KLHL13: variants seen among roughly 807,000 people sequenced by gnomAD.
KLHL13 encodes the protein kelch-like protein 13.
Under a neutral mutation model 37.1 loss-of-function variants are expected in KLHL13, and 10 were observed. That is an observed-to-expected ratio of 0.27 (90% CI 0.17 to 0.46). The LOEUF (loss-of-function observed/expected upper bound fraction) is 0.46, where lower values mean the gene tolerates loss of function less well. Ranked by LOEUF, KLHL13 falls within the 20% of genes least tolerant of loss-of-function variation. The pLI is 1.00. For synonymous variants in KLHL13, 163 were observed against 181.2 expected, an observed-to-expected ratio of 0.90 and a Z score of 0.81; for missense variants, 360 against 509.3, an observed-to-expected ratio of 0.71 and a Z score of 2.82.
intron 1 of KLHL13, among the ~76,000 whole-genome samples, chrX:118,070,993 G>A (rs1163991581): frequency 2.8e-5 from 3 of 107,858 alleles, no homozygotes; most frequent in Non-Finnish European, 5.7e-5. Context: ...ACCTATGAGT[G>A]AGAATATGTG....
intron 1 of KLHL13, among the ~76,000 whole-genome samples, chrX:117,990,291 TG>T (rs1289904571): frequency 9.0e-6 from 1 of 110,965 alleles, no homozygotes; most frequent in Non-Finnish European, 1.9e-5. Context: ...GGGGTGTGAA[TG>T]GATCAATAGG....
intron 1 of KLHL13, among the ~76,000 whole-genome samples, chrX:118,091,020 T>C (rs1257214734): frequency 2.8e-5 from 3 of 105,415 alleles, no homozygotes; most frequent in Admixed American, 1.0e-4. Flanking sequence ...CAGCAAACTA[T>C]CGCAAGGACA....
intron 1 of KLHL13, among the ~76,000 whole-genome samples, chrX:118,007,092 A>G (rs1204200016): frequency 9.0e-6 from 1 of 110,989 alleles, no homozygotes; most frequent in Non-Finnish European, 1.9e-5. Flanking sequence ...TGATTTGAGT[A>G]GCCTCCCAAG....
intron 1 of KLHL13, among the ~76,000 whole-genome samples, chrX:118,035,418 G>C (rs1311768537): frequency 1.8e-5 from 2 of 109,263 alleles, no homozygotes; most frequent in East Asian, 5.6e-4. Flanking sequence ...TTCATCCCTG[G>C]GATGCAAGGC....
intron 1 of KLHL13, among the ~76,000 whole-genome samples, chrX:118,075,922 GA>G (rs1374754372): frequency 9.0e-6 from 1 of 111,201 alleles, no homozygotes; most frequent in African/African-American, 3.3e-5. Flanking sequence ...ATATTTGTGG[GA>G]AAAAAACTGT....
intron 1 of KLHL13, among the ~76,000 whole-genome samples, chrX:118,058,317 TAC>T (rs921601406): frequency 8.1e-5 from 9 of 111,060 alleles, no homozygotes; most frequent in African/African-American, 2.9e-4. Context: ...TTATTTCTCT[TAC>T]ACACACTAAT....
At chrX:118,083,692 G>C (rs1359493167) in intron 1 of KLHL13, among the ~76,000 whole-genome samples, 2 of 110,969 alleles carry the variant, frequency 1.8e-5, no homozygotes, top group Non-Finnish European at 3.8e-5. Context: ...TAACAATAAT[G>C]TATTTTAAAA....
chrX:117,995,977 T>C (rs1269071265), intron 1 of KLHL13, among the ~76,000 whole-genome samples: 1 of 111,675 alleles, frequency 9.0e-6, no homozygotes, highest in Non-Finnish European at 1.9e-5. Flanking sequence ...TGGGTGTACA[T>C]TTGTTTGAGT....
chrX:118,035,004 A>C (rs1484066167), intron 1 of KLHL13, among the ~76,000 whole-genome samples: 1 of 94,767 alleles, frequency 1.1e-5, no homozygotes, highest in Non-Finnish European at 2.0e-5. Flanking sequence ...GAAATGGATA[A>C]ATTCCTTGAC....
exon 5 of KLHL13, chrX:117,910,013 G>A (rs1021687832): frequency 1.7e-6 from 2 of 1,207,713 alleles, no homozygotes; most frequent in East Asian, 3.0e-5. Context: ...TCTTCAAGAC[G>A]AAACTGTTAA....
chrX:117,919,127 G>A (rs757635546), intron 4 of KLHL13, among the ~76,000 whole-genome samples: 312 of 110,803 alleles, frequency 2.8e-3, no homozygotes, highest in African/African-American at 4.1e-3. Context: ...AGGTTCAAGC[G>A]ATTCTCCTGC....
intron 5 of KLHL13, among the ~76,000 whole-genome samples, chrX:117,907,275 T>A (rs1930607451): frequency 1.8e-5 from 2 of 111,159 alleles, no homozygotes; most frequent in Non-Finnish European, 3.8e-5. Context: ...GCCTCTAGCA[T>A]CTTGGTTTTA....
In KLHL13 at chrX:118,042,712, C is replaced by A. The variant is rs186629275; in HGVS notation, c.-56+73796G>T. Among the ~76,000 whole-genome samples the A allele has an allele frequency of 1.5e-3, 164 of 110,584 alleles. 2 individuals carry two copies. Among genetic ancestry groups the A allele is most frequent in the African/African-American group, 5.2e-3 (159 of 30,653 alleles). On this transcript the variant is annotated intron_variant, in intron 1 of 6. Transcript: ENST00000371882. ...TTCTTGAAACAAATGATAATGTAAA[C>A]AAAACATACAAAACCTATAAGATAC... is the stretch of plus-strand genomic sequence containing the variant.
chrX:118,095,280 A>C (rs1195069019), intron 1 of KLHL13, among the ~76,000 whole-genome samples: 1 of 110,863 alleles, frequency 9.0e-6, no homozygotes, highest in South Asian at 3.9e-4. Flanking sequence ...AACAAAGATC[A>C]AAAGAGACAA....
At chrX:117,905,278 T>C (rs1201983555) in intron 5 of KLHL13, among the ~76,000 whole-genome samples, 1 of 112,143 alleles carries the variant, frequency 8.9e-6, no homozygotes, top group African/African-American at 3.2e-5. Flanking sequence ...GTGAAAGATA[T>C]TGGAGCTGTC....
chrX:117,964,192 TAA>T (rs760681099), intron 1 of KLHL13, among the ~76,000 whole-genome samples: 1,392 of 101,437 alleles, frequency 0.014, 34 homozygotes, highest in African/African-American at 0.047. Context: ...TAGAGTATAA[TAA>T]AAAAAAAAAA....
intron 2 of KLHL13, among the ~76,000 whole-genome samples, chrX:117,934,882 A>G (rs1289156362): frequency 9.0e-6 from 1 of 111,430 alleles, no homozygotes; most frequent in Non-Finnish European, 1.9e-5. Flanking sequence ...CATAAAAAAA[A>G]AAGATATTCA....
chrX:118,022,342 T>G lies in KLHL13; in HGVS notation c.-55-76767A>C, dbSNP rs1301234071. Among the ~76,000 whole-genome samples the G allele has an allele frequency of 2.7e-5, 3 of 111,922 alleles. No homozygotes were observed. In the Admixed American group the frequency reaches 2.9e-4, roughly 11 times the overall value. The stretch of plus-strand genomic sequence containing the variant: ...GAGGAAGTGCTAATTCCATTACTCT[T>G]GCATATATACCCAGAAGTGGGATTA... On this transcript the variant is annotated intron_variant, in intron 1 of 6. Coordinates refer to the KLHL13 transcript ENST00000371882.
intron 2 of KLHL13, among the ~76,000 whole-genome samples, chrX:117,938,869 A>G (rs184385836): frequency 1.8e-5 from 2 of 111,278 alleles, no homozygotes; most frequent in African/African-American, 6.5e-5. Context: ...GAGCACCTTA[A>G]AAATCTATCC....
Sources: gnomAD v4.1 joint callset for allele counts (sites outside exome capture counted in the v4.1 genomes callset) on GRCh38, gnomAD v4.1.1 for gene constraint, MANE v1.5 for transcripts, NCBI Gene and HGNC (gene_info 2026-07-23, HGNC 2026-07-21) for gene names.